STRN3: variants seen among roughly 807,000 people sequenced by gnomAD.
STRN3 encodes striatin 3, also known as striatin-3.
STRN3 carries 29 observed loss-of-function variants against 95.6 expected under a neutral mutation model. The observed-to-expected ratio is 0.30, with a 90% confidence interval of 0.23 to 0.41. STRN3 has a LOEUF of 0.41. Ranked by LOEUF, STRN3 falls within the 10% of genes least tolerant of loss-of-function variation. The pLI is 1.00. For synonymous variants in STRN3, 331 were observed against 357.6 expected, an observed-to-expected ratio of 0.93 and a Z score of 0.84; for missense variants, 890 against 972.1, an observed-to-expected ratio of 0.92 and a Z score of 1.12.
chr14:30,911,906 G>A (rs1896620400), intron 11 of STRN3, 82 bp from the exon 12 acceptor site: 1 of 1,555,294 alleles, frequency 6.4e-7, no homozygotes, highest in Non-Finnish European at 8.7e-7. Context: ...ATAGTCATTA[G>A]ATCAAATGTG....
At chr14:30,951,451 C>T (rs956324867) in intron 3 of STRN3, among the ~76,000 whole-genome samples, 5 of 152,268 alleles carry the variant, frequency 3.3e-5, no homozygotes, top group African/African-American at 1.2e-4. Flanking sequence ...AATCTGGTCT[C>T]AAACTCCTAG....
Position 30,912,200 on chromosome 14 carries a change from A to G in STRN3, c.1375-18T>C. 6.2e-7 allele frequency: 1 copy of G among 1,607,704 alleles called. No homozygotes were observed. Among genetic ancestry groups the G allele is most frequent in the Non-Finnish European group, 8.5e-7 (1 of 1,177,328 alleles). Reference sequence around the variant, plus strand: ...GCAGGCAACTAAAAGGAAAGAGCACAATATTTAGTGGTAAAAGTAGTAAAC... The same window carrying G: ...GCAGGCAACTAAAAGGAAAGAGCACGATATTTAGTGGTAAAAGTAGTAAAC... On this transcript the variant is annotated intron_variant, in intron 10 of 17. Transcript: ENST00000357479.
chr14:30,956,873 ATCT>A lies in STRN3; in HGVS notation c.283-634_283-632del, dbSNP rs1302196341. Among the ~76,000 whole-genome samples, 5 of 152,258 alleles carry A rather than the reference ATCT, an allele frequency of 3.3e-5. No individual in the cohort carries two copies. The East Asian group carries it at 9.6e-4, about 29-fold the overall frequency. On this transcript the variant is annotated intron_variant, in intron 1 of 17. Transcript: ENST00000357479. ...TTCTTGAAATACTAGAAAATTTATA[ATCT>A]GAGCTAGGCACGTGGCTCATGCCAG...
intron 7 of STRN3, 81 bp from the exon 8 acceptor site, chr14:30,929,392 C>G (rs1041004513): frequency 2.4e-5 from 25 of 1,034,668 alleles, no homozygotes; most frequent in Non-Finnish European, 3.4e-5. Flanking sequence ...TATAGCTTTA[C>G]ATAATCATAA....
Position 30,958,513 on chromosome 14 carries a change from GT to G in STRN3, c.283-2272del, listed in dbSNP as rs1880031648. On this transcript the variant is annotated intron_variant, in intron 1 of 17. Transcript: ENST00000357479. ...TGTCAAATTCGTCATACACTTTTAA[GT>G]AAGATTCTGACTAGTGTTTTCTCCT... Among the ~76,000 whole-genome samples the G allele has an allele frequency of 2.6e-5, 4 of 152,196 alleles. 1 individual carries two copies. Among genetic ancestry groups the G allele is most frequent in the Admixed American group, 2.6e-4 (4 of 15,280 alleles).
chr14:31,014,653 G>C (rs761011617), intron 1 of STRN3: 7 of 451,910 alleles, frequency 1.5e-5, no homozygotes, highest in Non-Finnish European at 3.1e-5. Context: ...AACCACTTAG[G>C]TGTAATGCTA....
intron 1 of STRN3, among the ~76,000 whole-genome samples, chr14:30,964,880 C>A (rs913530224): frequency 5.3e-5 from 8 of 151,294 alleles, no homozygotes; most frequent in African/African-American, 1.7e-4. Flanking sequence ...GATAGCACCA[C>A]TGCACTCCAG....
chr14:30,902,210 G>GAAAAA (rs1896341231), intron 16 of STRN3, among the ~76,000 whole-genome samples: 5 of 71,224 alleles, frequency 7.0e-5, no homozygotes, highest in African/African-American at 2.6e-4. Context: ...AAAAAAAAAT[G>GAAAAA]GAAATGCCAA....
At chr14:30,932,737 C>G (rs1878605013) in intron 7 of STRN3, among the ~76,000 whole-genome samples, 1 of 152,110 alleles carries the variant, frequency 6.6e-6, no homozygotes, top group African/African-American at 2.4e-5. Flanking sequence ...AAACTATTAT[C>G]AAAGAAATAA....
At chr14:31,018,736 G>A in intron 1 of STRN3, 1 of 468,576 alleles carries the variant, frequency 2.1e-6, no homozygotes, top group Non-Finnish European at 4.2e-6. Flanking sequence ...CGAAGATGAG[G>A]GCCATGGTGC....
At chr14:30,934,757 T>C (rs1255500948) in intron 7 of STRN3, among the ~76,000 whole-genome samples, 1 of 152,190 alleles carries the variant, frequency 6.6e-6, no homozygotes, top group East Asian at 1.9e-4. Flanking sequence ...TTACTAATTC[T>C]AGTAATTAGT....
chr14:30,995,805 G>A (rs777875370), intron 1 of STRN3, among the ~76,000 whole-genome samples: 81 of 152,298 alleles, frequency 5.3e-4, no homozygotes, highest in South Asian at 4.1e-4. Context: ...GCTACATGTA[G>A]CAGACACTGA....
At chr14:30,944,721 G>A (rs1457116822) in intron 5 of STRN3, among the ~76,000 whole-genome samples, 2 of 149,730 alleles carry the variant, frequency 1.3e-5, no homozygotes, top group Non-Finnish European at 1.5e-5. Context: ...TGGTTCAAGC[G>A]ATCCTCCCAC....
chr14:30,949,909 T>C (rs1879556987), intron 4 of STRN3, among the ~76,000 whole-genome samples: 1 of 152,082 alleles, frequency 6.6e-6, no homozygotes, highest in Non-Finnish European at 1.5e-5. Context: ...TATGAATACA[T>C]AATAGTATTC....
intron 1 of STRN3, among the ~76,000 whole-genome samples, chr14:30,962,634 A>G (rs538613527): frequency 1.3e-5 from 2 of 152,304 alleles, no homozygotes; most frequent in Non-Finnish European, 2.9e-5. Flanking sequence ...CCCTAGGTTC[A>G]GGTGATTCTC....
Position 30,911,093 on chromosome 14 carries a change from G to C in STRN3, c.1668C>G (p.Thr556=), listed in dbSNP as rs1428795151. The C allele has an allele frequency of 1.9e-6, 3 of 1,613,866 alleles. No homozygotes were observed. The African/African-American group carries it at 4.0e-5, about 22-fold the overall frequency. The change falls in exon 13 of 18, where the codon ACC becomes ACG. Residue 556 remains threonine (T), a synonymous_variant. Coordinates refer to ENST00000357479, the MANE Select transcript of STRN3 (RefSeq NM_001083893.2). ...GACTCGGCATATTCCACCACTGGAT[G>C]GTTGCATCAATACCACCACTAAAAC... ...EQCFSGGIDA[T]IQWWNMPSPS...
intron 1 of STRN3, among the ~76,000 whole-genome samples, chr14:30,980,846 A>AT (rs1442999821): frequency 2.6e-5 from 4 of 152,176 alleles, no homozygotes; most frequent in African/African-American, 9.7e-5. Context: ...GTATTTAATG[A>AT]TTTTAAGACA....
intron 1 of STRN3, among the ~76,000 whole-genome samples, chr14:30,998,455 C>G (rs1882303104): frequency 6.6e-6 from 1 of 152,214 alleles, no homozygotes; most frequent in African/African-American, 2.4e-5. Flanking sequence ...GCACTGTGCA[C>G]ATGCTCAGAA....
chr14:30,963,962 A>T (rs1880341519), intron 1 of STRN3, among the ~76,000 whole-genome samples: 1 of 152,218 alleles, frequency 6.6e-6, no homozygotes, highest in Non-Finnish European at 1.5e-5. Context: ...ATTAAAAAAC[A>T]AGAAAAGAGC....
Sources: gnomAD v4.1 joint callset for allele counts (sites outside exome capture counted in the v4.1 genomes callset) on GRCh38, gnomAD v4.1.1 for gene constraint, MANE v1.5 for transcripts, NCBI Gene and HGNC (gene_info 2026-07-23, HGNC 2026-07-21) for gene names.